Variants in RALGPS1 observed in about 807,000 individuals in gnomAD.
RALGPS1 encodes Ral GEF with PH domain and SH3 binding motif 1, also known as ras-specific guanine nucleotide-releasing factor RalGPS1.
In RALGPS1, 19 loss-of-function variants were observed where a neutral mutation model predicts 78.8. The ratio of observed to expected loss-of-function variants is 0.24; its 90% CI spans 0.17 to 0.35. RALGPS1 has a LOEUF of 0.35. Among genes scored for constraint, RALGPS1 ranks in the 10% least tolerant of loss-of-function variants. RALGPS1 has a pLI of 1.00. For missense variants in RALGPS1, 454 were observed against 688.3 expected, an observed-to-expected ratio of 0.66 and a Z score of 3.81; for synonymous variants, 228 against 256.3, an observed-to-expected ratio of 0.89 and a Z score of 1.06.
intron 8 of RALGPS1, among the ~76,000 whole-genome samples, chr9:127,083,939 AT>A (rs1272501916): frequency 6.7e-6 from 1 of 150,054 alleles, no homozygotes; most frequent in Admixed American, 6.6e-5. Context: ...ACAGGGTCTC[AT>A]TTTTTTTTGC....
At chr9:127,115,324 G>C (rs1424423128) in intron 8 of RALGPS1, among the ~76,000 whole-genome samples, 1 of 152,278 alleles carries the variant, frequency 6.6e-6, no homozygotes, top group Admixed American at 6.5e-5. Flanking sequence ...TGAGCAGCTA[G>C]GATTACAGGT....
intron 7 of RALGPS1, among the ~76,000 whole-genome samples, chr9:127,054,153 A>C (rs372894197): frequency 5.3e-5 from 8 of 152,152 alleles, no homozygotes; most frequent in African/African-American, 1.9e-4. Flanking sequence ...CAACTGAGCA[A>C]TGGCTTTGGA....
rs2062326471 is a variant in RALGPS1 at position 127,212,491 on chromosome 9, C to T, written c.1354-136C>T. The T allele has an allele frequency of 4.4e-6, 3 of 682,594 alleles. No homozygotes were observed. Among genetic ancestry groups the T allele is most frequent in the Non-Finnish European group, 7.3e-6 (3 of 411,242 alleles). The allele number at this position is 682,594 out of a possible 1,614,324, so 42.3% of individuals were successfully genotyped here. ...TGGTCCTAGGTGGAAGTTGGCATTG[C>T]CAGGGGGTGGTGGAGGGCCAGGGAA... On this transcript the variant is annotated intron_variant, in intron 15 of 18. Transcript: ENST00000259351. The surrounding 1 kb of genome is among the most constrained non-coding windows in gnomAD (Gnocchi z 6.0).
intron 8 of RALGPS1, among the ~76,000 whole-genome samples, chr9:127,159,187 G>A (rs1017375229): frequency 6.6e-6 from 1 of 152,192 alleles, no homozygotes; most frequent in African/African-American, 2.4e-5. Flanking sequence ...CTTACTGCCA[G>A]TCAGAACCCC....
chr9:127,030,467 C>T (rs898673356), intron 4 of RALGPS1, among the ~76,000 whole-genome samples: 5 of 151,898 alleles, frequency 3.3e-5, no homozygotes, highest in African/African-American at 9.7e-5. Context: ...TAAGAGCGGC[C>T]GGTGAAGGGG....
chr9:127,137,625 T>C (rs762002500), intron 8 of RALGPS1, among the ~76,000 whole-genome samples: 1 of 152,242 alleles, frequency 6.6e-6, no homozygotes, highest in African/African-American at 2.4e-5. Context: ...CTGGTTCCAG[T>C]TGAGTTTCTA....
intron 8 of RALGPS1, among the ~76,000 whole-genome samples, chr9:127,097,470 C>G (rs1291373355): frequency 1.3e-5 from 2 of 152,226 alleles, no homozygotes; most frequent in African/African-American, 2.4e-5. Flanking sequence ...CCCTTAGAAC[C>G]CTTAGTAGAC....
chr9:126,931,574 AAG>A (rs1564268645), intron 1 of RALGPS1, among the ~76,000 whole-genome samples: 1 of 152,156 alleles, frequency 6.6e-6, no homozygotes, highest in Non-Finnish European at 1.5e-5. Flanking sequence ...GGCAAACCCA[AAG>A]AGACACAGAA....
intron 4 of RALGPS1, among the ~76,000 whole-genome samples, chr9:127,030,046 AC>A (rs1285436041): frequency 6.6e-6 from 1 of 152,138 alleles, no homozygotes; most frequent in East Asian, 1.9e-4. Flanking sequence ...TTCTTCTTTG[AC>A]TGTCAGATGA....
Position 126,980,512 on chromosome 9 carries a change from C to T in RALGPS1, c.216+2767C>T, listed in dbSNP as rs118101535. Among the ~76,000 whole-genome samples, 537 of 152,274 alleles carry T rather than the reference C, an allele frequency of 3.5e-3. 2 individuals carry two copies. Among genetic ancestry groups the T allele is most frequent in the Middle Eastern group, 6.8e-3 (2 of 294 alleles). ...CTTTTGACTGGGCACCCTAGTGGTT[C>T]CCAGTTGGATGAGAACCAGGGATGT... On this transcript the variant is annotated intron_variant, in intron 4 of 18. Transcript: ENST00000259351.
chr9:127,081,990 G>A (rs2051221331), intron 8 of RALGPS1, among the ~76,000 whole-genome samples: 1 of 152,250 alleles, frequency 6.6e-6, no homozygotes, highest in South Asian at 2.1e-4. Flanking sequence ...GAATGTCTCA[G>A]GGATGGCTGG....
intron 18 of RALGPS1, among the ~76,000 whole-genome samples, chr9:127,216,635 T>G (rs909624411): frequency 5.3e-5 from 8 of 152,178 alleles, no homozygotes; most frequent in African/African-American, 1.9e-4. Flanking sequence ...CTAGAGAGCT[T>G]TATGTATAGT....
chr9:126,966,314 T>C (rs866232530), intron 3 of RALGPS1, among the ~76,000 whole-genome samples: 1 of 151,580 alleles, frequency 6.6e-6, no homozygotes, highest in Admixed American at 6.6e-5. Flanking sequence ...AGCCCAGGAG[T>C]TCGAGATCAG....
chr9:126,991,880 A>G (rs1224136575), intron 4 of RALGPS1, among the ~76,000 whole-genome samples: 1 of 152,216 alleles, frequency 6.6e-6, no homozygotes, highest in Non-Finnish European at 1.5e-5. Context: ...GAAAAGCAAT[A>G]GGCAGCGCTG....
chr9:126,923,527 G>A (rs75294722), intron 1 of RALGPS1, among the ~76,000 whole-genome samples: 86 of 152,334 alleles, frequency 5.6e-4, no homozygotes, highest in African/African-American at 1.9e-3. Flanking sequence ...GAGGAGTTGA[G>A]TTAAATTTGG....
chr9:127,174,422 T>C (rs775535609), intron 10 of RALGPS1, among the ~76,000 whole-genome samples: 36 of 152,236 alleles, frequency 2.4e-4, no homozygotes, highest in Non-Finnish European at 4.6e-4. Flanking sequence ...GGGAAGCTGC[T>C]TAACCTCACC....
At chr9:126,951,392 T>C (rs2131748879) in intron 1 of RALGPS1, among the ~76,000 whole-genome samples, 1 of 151,362 alleles carries the variant, frequency 6.6e-6, no homozygotes, top group African/African-American at 2.4e-5. Context: ...CCAATATCCT[T>C]GATGAACATC....
At position 126,944,534 on chromosome 9, in the gene RALGPS1, C is replaced by T. The variant is rs2037079325; in HGVS notation, c.-65-17691C>T. 1.4e-5 allele frequency among the ~76,000 whole-genome samples: 2 copies of T among 145,576 alleles called. 1 individual carries two copies. The highest frequency in any genetic ancestry group is 1.4e-4 in the Admixed American group (2 of 14,730). On this transcript the variant is annotated intron_variant, in intron 1 of 18. Transcript: ENST00000259351. Reference sequence around the variant, plus strand: ...GGTTTTTCACAGGAAATGTTGAGACCCCTGTTTTTAGACCTATTCCTAAGG... The same window carrying T: ...GGTTTTTCACAGGAAATGTTGAGACTCCTGTTTTTAGACCTATTCCTAAGG...
chr9:127,045,752 C>CACACAT (rs1554804730), intron 5 of RALGPS1, among the ~76,000 whole-genome samples: 17 of 89,888 alleles, frequency 1.9e-4, no homozygotes, highest in East Asian at 1.0e-3. Flanking sequence ...CACACACACA[C>CACACAT]ACACACACAT....
Sources: gnomAD v4.1 joint callset for allele counts (sites outside exome capture counted in the v4.1 genomes callset) on GRCh38, gnomAD v4.1.1 for gene constraint, Gnocchi (gnomAD v3.1) non-coding constraint, MANE v1.5 for transcripts, NCBI Gene and HGNC (gene_info 2026-07-23, HGNC 2026-07-21) for gene names.